PDE12: variants seen among roughly 807,000 people sequenced by gnomAD.
The protein encoded by PDE12 is 2',5'-phosphodiesterase 12.
Under a neutral mutation model 45.4 loss-of-function variants are expected in PDE12, and 26 were observed. That is an observed-to-expected ratio of 0.57 (90% CI 0.42 to 0.79). PDE12 has a LOEUF of 0.79. Ranked by LOEUF, PDE12 falls within the 30% of genes least tolerant of loss-of-function variation. The pLI, the probability that PDE12 is intolerant of heterozygous loss-of-function variation, is 0.00. For missense variants in PDE12, 668 were observed against 790.0 expected (o/e 0.85, Z 1.85); for synonymous variants, 283 against 323.9 (o/e 0.87, Z 1.36).
chr3:57,573,690 C>T, the PDE12 span, among the ~76,000 whole-genome samples: 22,051 of 151,936 alleles, frequency 0.15, 2,140 homozygotes, highest in Middle Eastern at 0.21. Context: ...AAGAGATTCT[C>T]GTGCCTTCAG....
At chr3:57,649,627 A>C in the PDE12 span, among the ~76,000 whole-genome samples, 1 of 95,514 alleles carries the variant, frequency 1.0e-5, no homozygotes, top group Non-Finnish European at 2.1e-5. Flanking sequence ...TCAATCAATG[A>C]GTGAAAAAAA....
the PDE12 span, chr3:57,628,152 G>A: frequency 6.4e-7 from 1 of 1,566,622 alleles, no homozygotes; most frequent in Non-Finnish European, 8.7e-7. Context: ...TGTGCGTCTG[G>A]TTGAAATGTC....
chr3:57,625,583 G>A, the PDE12 span: 3 of 152,390 alleles, frequency 2.0e-5, no homozygotes, highest in African/African-American at 7.3e-5. Context: ...GATTCCTCCT[G>A]ATGCTGGTAG....
At chr3:57,575,765 C>T in the PDE12 span, 43 of 1,286,640 alleles carry the variant, frequency 3.3e-5, no homozygotes, top group East Asian at 1.1e-3. Flanking sequence ...GCATTAAATA[C>T]ATTATTAAAC....
the PDE12 span, among the ~76,000 whole-genome samples, chr3:57,649,597 G>A: frequency 0.013 from 1,948 of 149,326 alleles, 48 homozygotes; most frequent in African/African-American, 0.045. Context: ...GCAAAAATAT[G>A]GAACAAGCCC....
the PDE12 span, chr3:57,646,278 A>G: frequency 7.6e-7 from 1 of 1,311,986 alleles, no homozygotes; most frequent in African/African-American, 1.6e-5. Flanking sequence ...TGCAGCATCC[A>G]AAAAAAAAAC....
In PDE12 at chr3:57,557,215, T is replaced by C. The variant is rs146287703; in HGVS notation, c.836T>C (p.Phe279Ser). 4 of 1,605,816 alleles carry C rather than the reference T, an allele frequency of 2.5e-6. No homozygotes were observed. In the East Asian group the frequency reaches 6.8e-5, roughly 27 times the overall value. ...GAGGCTGGGCCTGGCACCTGCACTT[T>C]TGACCACCGGCATCTCTACACGAAG... is the stretch of plus-strand genomic sequence containing the variant. ...VVEAGPGTCT[F>S]DHRHLYTKKV... The change falls in exon 1 of 3, where the codon TTT becomes TCT. Residue 279 changes from phenylalanine (F) to serine (S), a missense_variant. Around this residue, in one of 3 missense-constraint regions of PDE12, gnomAD observed 580 missense variants for 662.9 expected, o/e 0.87. Transcript: ENST00000311180.
the PDE12 span, among the ~76,000 whole-genome samples, chr3:57,601,579 A>AGTTGCCATT: frequency 6.6e-6 from 1 of 152,104 alleles, no homozygotes; most frequent in African/African-American, 2.4e-5. Flanking sequence ...GCAGAATGGC[A>AGTTGCCATT]ACTGTAAGGG....
chr3:57,605,087 C>T, the PDE12 span, among the ~76,000 whole-genome samples: 6 of 152,094 alleles, frequency 3.9e-5, no homozygotes, highest in Non-Finnish European at 7.4e-5. Flanking sequence ...CATCAAAGGA[C>T]AATGATTCCT....
chr3:57,650,070 T>C, the PDE12 span, among the ~76,000 whole-genome samples: 2 of 151,982 alleles, frequency 1.3e-5, no homozygotes, highest in Non-Finnish European at 2.9e-5. Context: ...TTCTCACTCA[T>C]AAGTGGGAGC....
At chr3:57,576,504 CTTTTTTTTTTTTT>C in the PDE12 span, among the ~76,000 whole-genome samples, 1 of 101,602 alleles carries the variant, frequency 9.8e-6, no homozygotes, top group East Asian at 3.1e-4. Flanking sequence ...CTCAACCAAG[CTTTTTTTTTTTTT>C]TTTTTTTTTG....
chr3:57,655,533 T>C, the PDE12 span, among the ~76,000 whole-genome samples: 3 of 152,210 alleles, frequency 2.0e-5, no homozygotes, highest in Non-Finnish European at 4.4e-5. Flanking sequence ...ATTGACATGA[T>C]GCCACAAGTG....
At chr3:57,652,063 A>C in the PDE12 span, among the ~76,000 whole-genome samples, 5 of 152,126 alleles carry the variant, frequency 3.3e-5, no homozygotes, top group Non-Finnish European at 5.9e-5. Flanking sequence ...ATAAAAATAA[A>C]TAAATAAATA....
At chr3:57,612,499 A>G in the PDE12 span, among the ~76,000 whole-genome samples, 2 of 152,108 alleles carry the variant, frequency 1.3e-5, no homozygotes, top group African/African-American at 4.8e-5. Context: ...ATATTCCATT[A>G]TGGTGGCTCA....
the PDE12 span, among the ~76,000 whole-genome samples, chr3:57,638,117 G>A: frequency 6.6e-6 from 1 of 151,934 alleles, no homozygotes. Flanking sequence ...CTGGAAGACA[G>A]ACCAAGACTC....
chr3:57,648,402 T>C, the PDE12 span, among the ~76,000 whole-genome samples: 1 of 152,054 alleles, frequency 6.6e-6, no homozygotes, highest in Non-Finnish European at 1.5e-5. Context: ...GTAGAGTCAA[T>C]ATTGTAAAAA....
chr3:57,604,437 T>A, the PDE12 span, among the ~76,000 whole-genome samples: 1 of 152,056 alleles, frequency 6.6e-6, no homozygotes, highest in Admixed American at 6.6e-5. Flanking sequence ...TTAACAGAAT[T>A]CTCAAACTTA....
chr3:57,559,999 A>G lies in PDE12; in HGVS notation c.1825A>G (p.Lys609Glu), dbSNP rs1197678441. 2 of 1,599,070 alleles carry G rather than the reference A, an allele frequency of 1.3e-6. No individual in the cohort carries two copies. The highest frequency in any genetic ancestry group is 3.4e-5 in the Admixed American group (2 of 59,106). The change falls in exon 3 of 3, where the codon AAA (lysine) becomes GAA (glutamate). Residue 609 changes from lysine (K) to glutamate (E), a missense_variant. Physicochemically the swap from Lys to Glu is moderately conservative, Grantham distance 56. This residue lies in a region of PDE12 where 79 missense variants were observed against 97.9 expected (regional missense o/e 0.81). Transcript: ENST00000311180. ...AGCACTTGTATGTGATTTAAAATGG[A>G]AATAGATGTGTGTTTAATGGAATTG... The part of the protein sequence containing the change: ...HIALVCDLKW[K>E]
At position 57,559,772 on chromosome 3, in the gene PDE12, C is replaced by A. The variant is rs1421561458; in HGVS notation, c.1598C>A (p.Ser533Tyr). Residue 533 changes from serine (S) to tyrosine (Y), a missense_variant, in exon 3 of 3, where the codon TCT becomes TAT. Physicochemically the swap from Ser to Tyr is moderately radical, Grantham distance 144 (BLOSUM62 -2). Around this residue, in one of 3 missense-constraint regions of PDE12, gnomAD observed 79 missense variants for 97.9 expected, o/e 0.81. Transcript: ENST00000311180. The part of the protein sequence containing the change: ...SNGEEERCNM[S>Y]LTHFFKLKSA... ...GGGGAGGAGGAAAGATGCAATATGT[C>A]TCTTACACATTTCTTCAAGCTGAAA... 6.8e-6 allele frequency: 11 copies of A among 1,614,076 alleles called. No individual in the cohort carries two copies. The highest frequency in any genetic ancestry group is 8.5e-6 in the Non-Finnish European group (10 of 1,180,048).
Sources: gnomAD v4.1 joint callset for allele counts (sites outside exome capture counted in the v4.1 genomes callset) on GRCh38, gnomAD v4.1.1 for gene constraint, gnomAD v4.1.1 regional missense constraint, MANE v1.5 for transcripts, NCBI Gene and HGNC (gene_info 2026-07-23, HGNC 2026-07-21) for gene names.